DLG2: variants seen among roughly 807,000 people sequenced by gnomAD.
The protein encoded by DLG2 is disks large homolog 2.
DLG2 carries 45 observed loss-of-function variants against 132.5 expected under a neutral mutation model. The observed-to-expected ratio is 0.34, with a 90% confidence interval of 0.27 to 0.44. The LOEUF (loss-of-function observed/expected upper bound fraction) is 0.44, where lower values mean the gene tolerates loss of function less well. Ranked by LOEUF, DLG2 falls within the 20% of genes least tolerant of loss-of-function variation. The pLI is 1.00. For missense variants in DLG2, 1,045 were observed against 1,196.9 expected, an observed-to-expected ratio of 0.87 and a Z score of 1.87; for synonymous variants, 424 against 419.6, an observed-to-expected ratio of 1.01 and a Z score of -0.13.
chr11:83,744,077 G>C (rs2092735551), intron 18 of DLG2, among the ~76,000 whole-genome samples: 1 of 152,172 alleles, frequency 6.6e-6, no homozygotes, highest in Admixed American at 6.6e-5. Flanking sequence ...GTAAGAGAGA[G>C]ACCATCTTCC....
At chr11:84,788,300 T>C (rs984386678) in intron 6 of DLG2, among the ~76,000 whole-genome samples, 8 of 152,052 alleles carry the variant, frequency 5.3e-5, no homozygotes, top group Non-Finnish European at 8.8e-5. Flanking sequence ...GAGCCTCCTA[T>C]GTAAGTACTA....
intron 7 of DLG2, among the ~76,000 whole-genome samples, chr11:84,448,943 C>A (rs1480828708): frequency 6.6e-6 from 1 of 151,926 alleles, no homozygotes; most frequent in Non-Finnish European, 1.5e-5. Flanking sequence ...TTGAATACAA[C>A]AGCTTCACAC....
chr11:84,086,738 C>T (rs112065554), intron 10 of DLG2, among the ~76,000 whole-genome samples: 1,592 of 152,222 alleles, frequency 0.01, 8 homozygotes, highest in Non-Finnish European at 0.016. Flanking sequence ...AATCTGCCCG[C>T]CTTAGCCTCC....
At chr11:85,050,118 T>TCACACA (rs33991615) in intron 6 of DLG2, among the ~76,000 whole-genome samples, 2,879 of 136,776 alleles carry the variant, frequency 0.021, 43 homozygotes, top group African/African-American at 0.036. Flanking sequence ...CACTGTGTCA[T>TCACACA]CACACACACA....
intron 17 of DLG2, among the ~76,000 whole-genome samples, chr11:83,827,566 A>G (rs2053242421): frequency 6.6e-6 from 1 of 152,192 alleles, no homozygotes; most frequent in Non-Finnish European, 1.5e-5. Flanking sequence ...ATCTTGAAAC[A>G]CACTTTGTTA....
chr11:85,154,448 G>A, intron 5 of DLG2, 108 bp downstream of exon 5: 1 of 590,782 alleles, frequency 1.7e-6, no homozygotes, highest in Admixed American at 3.7e-5. Context: ...TAGAAATTAG[G>A]TTACACATTT....
chr11:84,685,984 G>T (rs2099737842), intron 6 of DLG2, among the ~76,000 whole-genome samples: 1 of 152,170 alleles, frequency 6.6e-6, no homozygotes, highest in South Asian at 2.1e-4. Flanking sequence ...ACCGCGCCCG[G>T]CCTATTTTCT....
intron 6 of DLG2, among the ~76,000 whole-genome samples, chr11:84,793,774 T>G (rs181137891): frequency 6.6e-6 from 1 of 152,322 alleles, no homozygotes; most frequent in African/African-American, 2.4e-5. Context: ...TCTATTTTTA[T>G]TCTATGTGTT....
chr11:83,913,574 C>G (rs2076428929), intron 15 of DLG2, among the ~76,000 whole-genome samples: 1 of 151,988 alleles, frequency 6.6e-6, no homozygotes, highest in Admixed American at 6.6e-5. Context: ...GTCCCCTCAC[C>G]CATGCTGAGA....
intron 3 of DLG2, among the ~76,000 whole-genome samples, chr11:85,494,486 C>T (rs1012693030): frequency 2.6e-5 from 4 of 151,668 alleles, no homozygotes; most frequent in African/African-American, 9.7e-5. Context: ...AAAGCATACA[C>T]AAACAAGATT....
chr11:83,652,431 T>C (rs942800920), intron 18 of DLG2, among the ~76,000 whole-genome samples: 8 of 152,096 alleles, frequency 5.3e-5, no homozygotes, highest in African/African-American at 1.9e-4. Flanking sequence ...AGTGCAGTGG[T>C]GCAATCTTGG....
At chr11:85,448,877 C>A (rs1469033166) in intron 3 of DLG2, among the ~76,000 whole-genome samples, 22 of 152,074 alleles carry the variant, frequency 1.4e-4, no homozygotes. Context: ...AAGTAGTTCC[C>A]ATTCTTCATT....
chr11:84,971,927 G>T (rs1222098518), intron 6 of DLG2, among the ~76,000 whole-genome samples: 1 of 152,020 alleles, frequency 6.6e-6, no homozygotes, highest in African/African-American at 2.4e-5. Flanking sequence ...AAAGAACCAA[G>T]GGAGAATTTA....
chr11:84,986,215 T>C (rs1462237266), intron 6 of DLG2, among the ~76,000 whole-genome samples: 1 of 151,964 alleles, frequency 6.6e-6, no homozygotes, highest in Non-Finnish European at 1.5e-5. Flanking sequence ...GATGGATAAA[T>C]TCCTGGAAAC....
chr11:84,524,180 T>C (rs940259494), intron 7 of DLG2, among the ~76,000 whole-genome samples: 18 of 152,362 alleles, frequency 1.2e-4, no homozygotes, highest in Admixed American at 3.3e-4. Context: ...CATTCAAAGC[T>C]GTCCTGAGTC....
intron 8 of DLG2, among the ~76,000 whole-genome samples, chr11:84,248,133 C>T (rs1012956446): frequency 6.6e-6 from 1 of 151,962 alleles, no homozygotes; most frequent in African/African-American, 2.4e-5. Context: ...TCAAGGTTAC[C>T]CCGTGAGTCA....
chr11:85,463,044 C>G (rs1027871767), intron 3 of DLG2, among the ~76,000 whole-genome samples: 2 of 152,198 alleles, frequency 1.3e-5, no homozygotes, highest in African/African-American at 2.4e-5. Flanking sequence ...AAGACACCAA[C>G]CATACCAGAA....
At chr11:83,885,782 G>A (rs1255168077) in intron 15 of DLG2, among the ~76,000 whole-genome samples, 1 of 152,144 alleles carries the variant, frequency 6.6e-6, no homozygotes, top group African/African-American at 2.4e-5. Flanking sequence ...GAATAGAGTG[G>A]GGGCCAATAT....
At chr11:84,737,573 T>C (rs1252200352) in intron 6 of DLG2, among the ~76,000 whole-genome samples, 1 of 151,676 alleles carries the variant, frequency 6.6e-6, no homozygotes, top group Non-Finnish European at 1.5e-5. Flanking sequence ...TTATGTAAAG[T>C]ATTTAAGCAG....
Sources: allele counts gnomAD v4.1 joint callset (sites outside exome capture counted in the v4.1 genomes callset), GRCh38; gene constraint gnomAD v4.1.1; transcripts MANE v1.5; gene names NCBI Gene and HGNC (gene_info 2026-07-23, HGNC 2026-07-21).